The following DNA2 variants were observed in gnomAD, a reference collection of about 807,000 sequenced individuals.
The protein encoded by DNA2 is DNA replication helicase/nuclease 2, also known as DNA replication ATP-dependent helicase/nuclease DNA2.
A neutral mutation model predicts 119.1 loss-of-function variants in DNA2; 101 were observed. The ratio of observed to expected loss-of-function variants is 0.85; its 90% CI spans 0.72 to 1.00. DNA2 has a LOEUF of 1.00. Among genes scored for constraint, DNA2 ranks in the 50% least tolerant of loss-of-function variants. The probability of loss-of-function intolerance (pLI) is 0.00; values close to 1 mark genes in which losing one functional copy is unlikely to be tolerated. For synonymous variants in DNA2, 366 were observed against 424.4 expected, an observed-to-expected ratio of 0.86 and a Z score of 1.69; for missense variants, 1,121 against 1,255.5, an observed-to-expected ratio of 0.89 and a Z score of 1.62.
rs148286330 is a variant in DNA2 at position 68,449,765 on chromosome 10, T to C, written c.939+263A>G. ...TGTCTCTACTAAAAATACAAAAAATTAGCTGGGCATGATGGTGAGGGCCTG... is the reference window on the plus strand; with the variant it reads ...TGTCTCTACTAAAAATACAAAAAATCAGCTGGGCATGATGGTGAGGGCCTG... On this transcript the variant is annotated intron_variant, in intron 6 of 20. Transcript: ENST00000358410. Among the ~76,000 whole-genome samples the C allele has an allele frequency of 6.4e-3, 979 of 151,842 alleles. 14 individuals are homozygous for C. The highest frequency in any genetic ancestry group is 0.022 in the African/African-American group (926 of 41,388).
intron 14 of DNA2, among the ~76,000 whole-genome samples, chr10:68,426,008 T>G (rs943382784): frequency 8.6e-5 from 13 of 151,528 alleles, no homozygotes; most frequent in African/African-American, 2.9e-4. Context: ...TGGTAGTGCA[T>G]GCCTGTAGTC....
At chr10:68,419,600 T>C (rs1476319389) in intron 18 of DNA2, among the ~76,000 whole-genome samples, 1 of 152,196 alleles carries the variant, frequency 6.6e-6, no homozygotes, top group African/African-American at 2.4e-5. Context: ...TTACAAAAAG[T>C]TATTATCGTA....
rs577371465 is a variant in DNA2 at position 68,467,316 on chromosome 10, G to T, written c.441+807C>A. 1.4e-3 allele frequency among the ~76,000 whole-genome samples: 219 copies of T among 151,782 alleles called. 1 individual carries two copies. The highest frequency in any genetic ancestry group is 2.7e-3 in the Non-Finnish European group (181 of 67,900). ...AGTAGAGACTGGTTTTCATCATGTTGGTCAGGCTGGTCTTGAACTCCTGAC... is the reference window on the plus strand; with the variant it reads ...AGTAGAGACTGGTTTTCATCATGTTTGTCAGGCTGGTCTTGAACTCCTGAC... On this transcript the variant is annotated intron_variant, in intron 3 of 20. Coordinates refer to ENST00000358410, the MANE Select transcript of DNA2 (RefSeq NM_001080449.3).
At chr10:68,418,240 C>A (rs976103029) in intron 19 of DNA2, among the ~76,000 whole-genome samples, 44 of 151,808 alleles carry the variant, frequency 2.9e-4, no homozygotes, top group Non-Finnish European at 2.1e-4. Context: ...ATGGTGAAAC[C>A]CCATCTCTAG....
intron 14 of DNA2, chr10:68,424,834 G>A: frequency 1.1e-6 from 1 of 882,274 alleles, no homozygotes; most frequent in East Asian, 2.4e-5. Flanking sequence ...TAGGCCAACA[G>A]CACAACCGTC....
chr10:68,445,094 A>C lies in DNA2; in HGVS notation c.1058-11T>G, dbSNP rs2052020888. On this transcript the variant is annotated splice_polypyrimidine_tract_variant and intron_variant, in intron 7 of 20. Transcript: ENST00000358410. ...TTAGCTTTAATAATTCTATGAAAAA[A>C]AAGGTGAATGTCTTTTTAAGAGTTA... is the stretch of plus-strand genomic sequence containing the variant. The C allele has an allele frequency of 6.3e-7, 1 of 1,584,102 alleles. No individual in the cohort carries two copies. Among genetic ancestry groups the C allele is most frequent in the Middle Eastern group, 1.9e-4 (1 of 5,160 alleles).
intron 10 of DNA2, among the ~76,000 whole-genome samples, chr10:68,434,368 C>T (rs969834366): frequency 6.6e-6 from 1 of 151,958 alleles, no homozygotes; most frequent in Non-Finnish European, 1.5e-5. Flanking sequence ...TGAAAATAAG[C>T]TGGGTGTAGT....
intron 8 of DNA2, 29 bp from the exon 9 acceptor site, chr10:68,443,140 C>A: frequency 6.6e-7 from 1 of 1,520,452 alleles, no homozygotes; most frequent in Non-Finnish European, 8.8e-7. Flanking sequence ...GTTAGAGATG[C>A]TTATAAACCA....
At chr10:68,469,478 T>C (rs1353845543) in intron 2 of DNA2, among the ~76,000 whole-genome samples, 1 of 152,190 alleles carries the variant, frequency 6.6e-6, no homozygotes, top group Non-Finnish European at 1.5e-5. Context: ...TTTCTTTTTT[T>C]TGAGATGAAG....
intron 5 of DNA2, among the ~76,000 whole-genome samples, chr10:68,455,547 G>A (rs573057440): frequency 5.9e-5 from 9 of 152,216 alleles, no homozygotes; most frequent in South Asian, 2.1e-4. Context: ...TCAGCCGGGC[G>A]CAGTGGCTCA....
In DNA2 at chr10:68,417,897, T is replaced by C. The variant is rs530874708; in HGVS notation, c.2968-1042A>G. On this transcript the variant is annotated intron_variant, in intron 19 of 20. Coordinates refer to ENST00000358410, the MANE Select transcript of DNA2 (RefSeq NM_001080449.3). ...AACTAGCTGGCTAAGTGAAATAAGGTAGTCACAAAAAGATAAATGCTGTAC... is the reference window on the plus strand; with the variant it reads ...AACTAGCTGGCTAAGTGAAATAAGGCAGTCACAAAAAGATAAATGCTGTAC... Among the ~76,000 whole-genome samples the C allele has an allele frequency of 5.3e-5, 8 of 152,234 alleles. No homozygotes were observed. In the East Asian group the frequency reaches 7.7e-4, roughly 15 times the overall value.
intron 4 of DNA2, 63 bp from the exon 5 acceptor site, chr10:68,459,298 C>A: frequency 1.1e-5 from 16 of 1,402,356 alleles, no homozygotes; most frequent in South Asian, 3.2e-5. Context: ...AATATGATAG[C>A]GAATATGAAA....
rs1361820815 is a variant in DNA2, at chr10:68,430,610, T to C, written c.2034A>G (p.Thr678=). Residue 678 remains threonine, a synonymous_variant, in exon 14 of 21, where the codon ACA becomes ACG. Transcript: ENST00000358410. ...AAAGAATATTGTCAACAGCAGAGTG[T>C]GTATAGCTGGTCAACAAAACGCTAA... ...CGFSVLLTSY[T]HSAVDNILLK... is the part of the protein sequence containing the mutation. 1 of 1,606,946 alleles carries C rather than the reference T, an allele frequency of 6.2e-7. No individual in the cohort carries two copies. The highest frequency in any genetic ancestry group is 8.5e-7 in the Non-Finnish European group (1 of 1,176,550).
At chr10:68,429,332 G>T (rs1368187324) in intron 14 of DNA2, among the ~76,000 whole-genome samples, 1 of 151,652 alleles carries the variant, frequency 6.6e-6, no homozygotes, top group Non-Finnish European at 1.5e-5. Flanking sequence ...ATAACCTGAG[G>T]TTGGGAGTGC....
At chr10:68,472,151 T>C (rs1346409218), upstream of DNA2, 9 of 1,366,246 alleles carry the variant, frequency 6.6e-6, no homozygotes, top group African/African-American at 1.5e-5. Flanking sequence ...GCTCCTGCCT[T>C]CTCTCTTGAC....
rs1362361868 is a variant in DNA2 at position 68,471,949 on chromosome 10, G to T, written c.-85C>A. 1 of 1,612,962 alleles carries T rather than the reference G, an allele frequency of 6.2e-7. No individual in the cohort carries two copies. Among genetic ancestry groups the T allele is most frequent in the Non-Finnish European group, 8.5e-7 (1 of 1,179,154 alleles). On this transcript the variant is annotated 5_prime_UTR_variant, in exon 1 of 21. Transcript: ENST00000358410. ...GAAAGCTTAGAAAAGGGAAAAAGGC[G>T]CGAGCCTGCGCACCTCGCGCGCATG... is the stretch of plus-strand genomic sequence containing the variant.
chr10:68,429,969 G>A (rs1006187507), intron 14 of DNA2, among the ~76,000 whole-genome samples: 3 of 140,640 alleles, frequency 2.1e-5, no homozygotes, highest in East Asian at 4.6e-4. Flanking sequence ...TGCAACCTCC[G>A]CCTCCCAGGT....
intron 15 of DNA2, 32 bp from the exon 16 acceptor site, chr10:68,422,636 G>T (rs2051680582): frequency 6.2e-7 from 1 of 1,611,780 alleles, no homozygotes; most frequent in South Asian, 1.1e-5. Context: ...GTTTATCAGT[G>T]TACTAAATCT....
At chr10:68,425,814 A>AC (rs983640727) in intron 14 of DNA2, among the ~76,000 whole-genome samples, 2 of 151,790 alleles carry the variant, frequency 1.3e-5, no homozygotes, top group African/African-American at 4.8e-5. Flanking sequence ...TAATTCAAAA[A>AC]AAAAACAAAA....
Sources: allele counts gnomAD v4.1 joint callset (sites outside exome capture counted in the v4.1 genomes callset), GRCh38; gene constraint gnomAD v4.1.1; transcripts MANE v1.5; gene names NCBI Gene and HGNC (gene_info 2026-07-23, HGNC 2026-07-21).